Variants in SCMH1 observed in about 807,000 individuals in gnomAD.
SCMH1 encodes polycomb protein SCMH1.
A neutral mutation model predicts 70.8 loss-of-function variants in SCMH1; 37 were observed. The ratio of observed to expected loss-of-function variants is 0.52; its 90% CI spans 0.40 to 0.69. The LOEUF is 0.69. Ranked by LOEUF, SCMH1 falls within the 30% of genes least tolerant of loss-of-function variation. SCMH1 has a pLI of 0.00. For synonymous variants in SCMH1, 292 were observed against 307.4 expected, an observed-to-expected ratio of 0.95 and a Z score of 0.52; for missense variants, 607 against 827.3, an observed-to-expected ratio of 0.73 and a Z score of 3.27.
chr1:41,136,794 T>A (rs1384698779), intron 6 of SCMH1, among the ~76,000 whole-genome samples: 6 of 143,934 alleles, frequency 4.2e-5, no homozygotes. Flanking sequence ...TTTTTTTTTT[T>A]TGAGACAGTA....
intron 12 of SCMH1, 46 bp downstream of exon 12, chr1:41,046,361 T>C: frequency 6.4e-7 from 1 of 1,563,602 alleles, no homozygotes; most frequent in Non-Finnish European, 8.8e-7. Flanking sequence ...GTGCTGCTGC[T>C]AGCCCTGTCC....
At chr1:41,087,937 G>GGTGGGTGTGTGTGTGTGTGTGT in intron 8 of SCMH1, among the ~76,000 whole-genome samples, 2 of 139,908 alleles carry the variant, frequency 1.4e-5, no homozygotes, top group Middle Eastern at 3.7e-3. Flanking sequence ...TATAGTTTCT[G>GGTGGGTGTGTGTGTGTGTGTGT]GTGTGTGTGT....
chr1:41,237,148 G>A (rs961195443), intron 1 of SCMH1, among the ~76,000 whole-genome samples: 1 of 152,186 alleles, frequency 6.6e-6, no homozygotes. Flanking sequence ...GGGTTGTGCG[G>A]TTAATTTTTA....
chr1:41,153,578 T>C (rs1645257134), intron 4 of SCMH1, among the ~76,000 whole-genome samples: 1 of 152,194 alleles, frequency 6.6e-6, no homozygotes, highest in South Asian at 2.1e-4. Context: ...TATTCTGTAA[T>C]GTACACAGGC....
intron 1 of SCMH1, among the ~76,000 whole-genome samples, chr1:41,241,676 C>G (rs1217973614): frequency 3.3e-5 from 5 of 152,022 alleles, no homozygotes; most frequent in Non-Finnish European, 7.4e-5. Flanking sequence ...CCGGCCCACC[C>G]GGCCCCGCCG....
At chr1:41,126,791 TTCAA>T (rs1251462670) in intron 6 of SCMH1, among the ~76,000 whole-genome samples, 22 of 152,210 alleles carry the variant, frequency 1.4e-4, no homozygotes, top group African/African-American at 5.1e-4. Flanking sequence ...CTATATAACA[TTCAA>T]TCAATCTCTT....
chr1:41,182,629 T>A (rs898686045), intron 2 of SCMH1, among the ~76,000 whole-genome samples: 2 of 152,052 alleles, frequency 1.3e-5, no homozygotes, highest in Non-Finnish European at 2.9e-5. Context: ...GAGGATTGCT[T>A]GAGCCCAGGA....
chr1:41,130,341 C>T (rs1029192697), intron 6 of SCMH1, among the ~76,000 whole-genome samples: 2 of 151,978 alleles, frequency 1.3e-5, no homozygotes, highest in Admixed American at 6.6e-5. Flanking sequence ...TGCCTTTTCA[C>T]TATGTCAATA....
intron 6 of SCMH1, among the ~76,000 whole-genome samples, chr1:41,129,099 C>T (rs1408910554): frequency 2.0e-5 from 3 of 151,986 alleles, no homozygotes; most frequent in Admixed American, 6.6e-5. Context: ...CTTTAATGTC[C>T]TTGTCTATTA....
intron 8 of SCMH1, among the ~76,000 whole-genome samples, chr1:41,083,471 A>C (rs1266221794): frequency 6.6e-6 from 1 of 152,210 alleles, no homozygotes; most frequent in African/African-American, 2.4e-5. Flanking sequence ...CAATGAAATA[A>C]AAGAGGACAC....
chr1:41,181,060 T>C (rs2148598878), intron 2 of SCMH1, among the ~76,000 whole-genome samples: 1 of 152,342 alleles, frequency 6.6e-6, no homozygotes, highest in Non-Finnish European at 1.5e-5. Flanking sequence ...TACAACCATC[T>C]GATCTTTGGC....
rs536664770 is a variant in SCMH1, at chr1:41,117,761, C to T, written c.413-751G>A. ...AATGGCGTAAGCTGTCTCTCTCTCTCTCCTCTCTCTCTCTCTGCCTCGGCT... is the reference window on the plus strand; with the variant it reads ...AATGGCGTAAGCTGTCTCTCTCTCTTTCCTCTCTCTCTCTCTGCCTCGGCT... On this transcript the variant is annotated intron_variant, in intron 6 of 14. Coordinates refer to ENST00000337495, the Ensembl canonical transcript of SCMH1. Among the ~76,000 whole-genome samples the T allele has an allele frequency of 3.3e-5, 5 of 152,274 alleles. No homozygotes were observed. In the South Asian group the frequency reaches 1.0e-3, roughly 32 times the overall value.
rs1285905816 is a variant in SCMH1 at position 41,131,328 on chromosome 1, C to T, written c.412+11550G>A. Among the ~76,000 whole-genome samples the T allele has an allele frequency of 3.3e-5, 5 of 152,238 alleles. No individual in the cohort carries two copies. In the South Asian group the frequency reaches 6.2e-4, roughly 19 times the overall value. ...AGTTTTGAAATCAGAAAATGTGAGT[C>T]CTCCACCTTTGTTTTCCCTTTTGAA... is the stretch of plus-strand genomic sequence containing the variant. On this transcript the variant is annotated intron_variant, in intron 6 of 14. Coordinates refer to ENST00000337495, the Ensembl canonical transcript of SCMH1.
intron 1 of SCMH1, among the ~76,000 whole-genome samples, chr1:41,234,322 A>C (rs927862788): frequency 6.6e-6 from 1 of 152,008 alleles, no homozygotes; most frequent in Non-Finnish European, 1.5e-5. Flanking sequence ...CAATTTTGAC[A>C]AGTTTTAAAA....
exon 15 of SCMH1, chr1:41,028,125 G>C (rs933223653): frequency 6.3e-7 from 1 of 1,596,750 alleles, no homozygotes; most frequent in African/African-American, 1.3e-5. Flanking sequence ...GGGGTGGGCT[G>C]ATGCCCCTCA....
intron 13 of SCMH1, 101 bp downstream of exon 13, chr1:41,037,261 A>G: frequency 1.7e-6 from 2 of 1,200,054 alleles, no homozygotes; most frequent in Non-Finnish European, 2.3e-6. Context: ...CACCAGGCAG[A>G]GGGCAACAGA....
intron 1 of SCMH1, among the ~76,000 whole-genome samples, chr1:41,222,587 T>A (rs890036140): frequency 6.6e-6 from 1 of 152,066 alleles, no homozygotes; most frequent in Non-Finnish European, 1.5e-5. Context: ...AAGGGGAAGA[T>A]GGCATTATGC....
intron 6 of SCMH1, among the ~76,000 whole-genome samples, chr1:41,138,254 A>G (rs922644676): frequency 5.3e-5 from 8 of 152,176 alleles, no homozygotes; most frequent in Admixed American, 2.0e-4. Context: ...TAGTTTTACT[A>G]AAATATGTCT....
intron 7 of SCMH1, among the ~76,000 whole-genome samples, chr1:41,114,661 T>TTCTCTCTCTCTCTCTC (rs61013208): frequency 2.0e-5 from 3 of 148,166 alleles, no homozygotes; most frequent in African/African-American, 5.0e-5. Flanking sequence ...AAGATTTCCT[T>TTCTCTCTCTCTCTCTC]TCTCTCTCTC....
Sources: allele counts gnomAD v4.1 joint callset (sites outside exome capture counted in the v4.1 genomes callset), GRCh38; gene constraint gnomAD v4.1.1; transcripts MANE v1.5; gene names NCBI Gene and HGNC (gene_info 2026-07-23, HGNC 2026-07-21).